CHMP1A: variants seen among roughly 807,000 people sequenced by gnomAD.
CHMP1A encodes VPS46 homolog A.
In CHMP1A, 17 loss-of-function variants were observed where a neutral mutation model predicts 27.0. The observed-to-expected ratio is 0.63, with a 90% CI of 0.43 to 0.95. CHMP1A has a LOEUF of 0.95. Among genes scored for constraint, CHMP1A ranks in the 40% least tolerant of loss-of-function variants. CHMP1A has a pLI of 0.00. For synonymous variants in CHMP1A, 131 were observed against 107.5 expected, an observed-to-expected ratio of 1.22 and a Z score of -1.35; for missense variants, 275 against 264.0, an observed-to-expected ratio of 1.04 and a Z score of -0.29.
chr16:89,654,212 G>T (rs908862431), intron 1 of CHMP1A, among the ~76,000 whole-genome samples: 1 of 152,240 alleles, frequency 6.6e-6, no homozygotes. Flanking sequence ...AAGGGTTAGT[G>T]TGAGGACAGA....
intron 1 of CHMP1A, among the ~76,000 whole-genome samples, chr16:89,654,189 C>G (rs1217355334): frequency 1.3e-5 from 2 of 152,172 alleles, no homozygotes; most frequent in East Asian, 3.9e-4. Context: ...GAGGGTGGTA[C>G]CAGCCAATCT....
At chr16:89,650,742 G>T (rs1227592374) in intron 3 of CHMP1A, among the ~76,000 whole-genome samples, 2 of 151,874 alleles carry the variant, frequency 1.3e-5, no homozygotes, top group African/African-American at 4.8e-5. Flanking sequence ...GGAGGCAGAG[G>T]TTGCAGTGAG....
intron 3 of CHMP1A, chr16:89,649,708 T>C: frequency 1.8e-6 from 1 of 553,276 alleles, no homozygotes; most frequent in Non-Finnish European, 3.1e-6. Flanking sequence ...CCCGAGTAGT[T>C]GGGACTACAG....
intron 2 of CHMP1A, among the ~76,000 whole-genome samples, chr16:89,653,542 G>A (rs974098240): frequency 6.9e-6 from 1 of 144,196 alleles, no homozygotes; most frequent in African/African-American, 2.6e-5. Context: ...AGAATCGCTT[G>A]AACCCGGGAG....
intron 2 of CHMP1A, among the ~76,000 whole-genome samples, 154 bp from the exon 3 acceptor site, chr16:89,651,800 G>A (rs572530034): frequency 3.4e-4 from 52 of 152,362 alleles, no homozygotes; most frequent in Middle Eastern, 6.8e-3. Flanking sequence ...CAGGGAAGGC[G>A]TGAAGCCTGT....
rs187184327 is a variant in CHMP1A at position 89,651,623 on chromosome 16, C to T, written c.51G>A (p.Lys17=). 1,094 of 1,613,756 alleles carry T rather than the reference C, an allele frequency of 6.8e-4. 1 individual carries two copies. The highest frequency in any genetic ancestry group is 3.8e-3 in the Admixed American group (231 of 60,014). The change falls in exon 3 of 7, where the codon AAG becomes AAA. Residue 17 remains lysine, a synonymous_variant. Transcript: ENST00000397901. ...AGTCCTTCTCCGCCTTCTTGGCCAGCTTCTCCAGCTGCTTCGCCGTGAACT... is the reference window on the plus strand; with the variant it reads ...AGTCCTTCTCCGCCTTCTTGGCCAGTTTCTCCAGCTGCTTCGCCGTGAACT... ...QLKFTAKQLE[K]LAKKAEKDSK...
At chr16:89,657,304 G>T (rs1348425874) in intron 1 of CHMP1A, among the ~76,000 whole-genome samples, 2 of 148,848 alleles carry the variant, frequency 1.3e-5, no homozygotes, top group Non-Finnish European at 3.0e-5. Flanking sequence ...GGGGTTCCGG[G>T]TCGGGTATCG....
intron 1 of CHMP1A, 83 bp downstream of exon 1, chr16:89,657,499 C>T (rs2059894358): frequency 1.3e-6 from 2 of 1,565,508 alleles, no homozygotes; most frequent in Admixed American, 1.8e-5. Flanking sequence ...TGCCCGCGGC[C>T]CCAGGTGGGC....
chr16:89,651,572 C>T lies in CHMP1A; in HGVS notation c.102G>A (p.Lys34=). Residue 34 remains lysine (K), a synonymous_variant, in exon 3 of 7, where the codon AAG becomes AAA. Coordinates refer to ENST00000397901, the MANE Select transcript of CHMP1A (RefSeq NM_002768.5). The part of the protein sequence containing the change: ...KDSKAEQAKV[K]KALLQKNVEC... Reference sequence around the variant, plus strand: ...CCCACAGCCCCCAGGGTCTCACCTTCTTCACTTTGGCCTGCTCCGCCTTGG... The same window carrying T: ...CCCACAGCCCCCAGGGTCTCACCTTTTTCACTTTGGCCTGCTCCGCCTTGG... 6.2e-7 allele frequency: 1 copy of T among 1,613,678 alleles called. No homozygotes were observed. The highest frequency in any genetic ancestry group is 8.5e-7 in the Non-Finnish European group (1 of 1,179,744).
chr16:89,651,512 G>A (rs1568003112), intron 3 of CHMP1A, 57 bp downstream of exon 3: 1 of 1,549,916 alleles, frequency 6.5e-7, no homozygotes, highest in East Asian at 2.3e-5. Flanking sequence ...AATAAGGGCA[G>A]AAAAGGACAG....
chr16:89,653,871 C>T, intron 2 of CHMP1A, 33 bp downstream of exon 2: 1 of 1,609,886 alleles, frequency 6.2e-7, no homozygotes, highest in East Asian at 2.2e-5. Context: ...CTCACCAGAA[C>T]AGGGCTGGGG....
chr16:89,654,169 T>C (rs1446766683), intron 1 of CHMP1A, among the ~76,000 whole-genome samples: 1 of 152,186 alleles, frequency 6.6e-6, no homozygotes, highest in Non-Finnish European at 1.5e-5. Flanking sequence ...TGTTTCCTTG[T>C]TGGGAACATG....
chr16:89,653,818 C>T (rs1597791581), intron 2 of CHMP1A, 86 bp downstream of exon 2: 1 of 1,392,858 alleles, frequency 7.2e-7, no homozygotes, highest in East Asian at 2.3e-5. Flanking sequence ...ATCTGCCCGA[C>T]TGTTTCTGTG....
At chr16:89,653,008 T>C (rs2059837004) in intron 2 of CHMP1A, among the ~76,000 whole-genome samples, 1 of 140,042 alleles carries the variant, frequency 7.1e-6, no homozygotes, top group African/African-American at 2.6e-5. Context: ...TTGTCTTTTT[T>C]TTTTTTCTTT....
intron 3 of CHMP1A, 131 bp from the exon 4 acceptor site, chr16:89,649,628 T>G (rs2151513941): frequency 1.8e-6 from 2 of 1,083,264 alleles, no homozygotes; most frequent in East Asian, 5.3e-5. Flanking sequence ...CAGGCTGGAG[T>G]GCAGTGGCAC....
At chr16:89,646,223 G>A (rs2059772180) in intron 6 of CHMP1A, 136 bp from the exon 7 acceptor site, 3 of 813,866 alleles carry the variant, frequency 3.7e-6, no homozygotes, top group Non-Finnish European at 3.8e-6. Flanking sequence ...AAACAGACAT[G>A]CCCTGTCCCA....
chr16:89,645,879 G>T lies in CHMP1A; in HGVS notation c.*187C>A, dbSNP rs765779716. On this transcript the variant is annotated 3_prime_UTR_variant, in exon 7 of 7. Coordinates refer to ENST00000397901, the MANE Select transcript of CHMP1A (RefSeq NM_002768.5). ...TGCAGAAACTCAACACCAGGACACA[G>T]ACCCACCGCCCAACCTAAAAGAACA... 19 of 1,577,496 alleles carry T rather than the reference G, an allele frequency of 1.2e-5. No homozygotes were observed. The South Asian group carries it at 2.2e-4, about 18-fold the overall frequency.
At chr16:89,647,576 G>C (rs2059786216) in intron 4 of CHMP1A, among the ~76,000 whole-genome samples, 1 of 146,070 alleles carries the variant, frequency 6.8e-6, no homozygotes, top group Non-Finnish European at 1.5e-5. Flanking sequence ...ACCCAGTGCG[G>C]GGTCAGTGGA....
chr16:89,655,725 A>C (rs1347510250), intron 1 of CHMP1A, among the ~76,000 whole-genome samples: 1 of 152,006 alleles, frequency 6.6e-6, no homozygotes, highest in African/African-American at 2.4e-5. Flanking sequence ...TCCCAGGTTT[A>C]AGCGATTCTC....
Sources: allele counts gnomAD v4.1 joint callset (sites outside exome capture counted in the v4.1 genomes callset), GRCh38; gene constraint gnomAD v4.1.1; transcripts MANE v1.5; gene names NCBI Gene and HGNC (gene_info 2026-07-23, HGNC 2026-07-21).